XXYLT1: variants seen among roughly 807,000 people sequenced by gnomAD.
XXYLT1 encodes the protein UDP-xylose:alpha-xyloside alpha-1,3-xylosyltransferase.
In XXYLT1, 20 loss-of-function variants were observed where a neutral mutation model predicts 28.9. That is an observed-to-expected ratio of 0.69 (90% CI 0.49 to 1.00). The LOEUF is 1.00. XXYLT1 is among the 50% of genes least tolerant of loss of function. XXYLT1 has a pLI of 0.00. For synonymous variants in XXYLT1, 257 were observed against 253.8 expected, an observed-to-expected ratio of 1.01 and a Z score of -0.12; for missense variants, 542 against 560.1, an observed-to-expected ratio of 0.97 and a Z score of 0.33.
chr3:195,070,193 C>A, intron 3 of XXYLT1, 82 bp from the exon 4 acceptor site: 1 of 1,479,262 alleles, frequency 6.8e-7, no homozygotes, highest in Non-Finnish European at 8.9e-7. Flanking sequence ...TCACAGCCAG[C>A]CTGCATGCAA....
At chr3:195,112,621 GCA>G (rs1336035058) in intron 3 of XXYLT1, among the ~76,000 whole-genome samples, 31 of 92,730 alleles carry the variant, frequency 3.3e-4, no homozygotes, top group South Asian at 9.7e-4. Flanking sequence ...GCACACATGT[GCA>G]CACACACACC....
At chr3:195,153,572 A>C (rs1720399197) in intron 3 of XXYLT1, among the ~76,000 whole-genome samples, 1 of 152,250 alleles carries the variant, frequency 6.6e-6, no homozygotes, top group African/African-American at 2.4e-5. Context: ...ATAGTACATA[A>C]TGAAAATTAA....
chr3:195,239,701 C>A (rs1032496282), intron 1 of XXYLT1, among the ~76,000 whole-genome samples: 1 of 152,214 alleles, frequency 6.6e-6, no homozygotes, highest in South Asian at 2.1e-4. Context: ...TCAAACCCTT[C>A]GTGTGCATCA....
At chr3:195,248,018 G>T in intron 1 of XXYLT1, 1 of 529,880 alleles carries the variant, frequency 1.9e-6, no homozygotes, top group South Asian at 2.4e-5. Flanking sequence ...GTGAGATTTG[G>T]GTGGAGACAC....
Position 195,173,770 on chromosome 3 carries a change from C to T in XXYLT1, c.653-17189G>A, listed in dbSNP as rs774613793. 4.6e-5 allele frequency among the ~76,000 whole-genome samples: 7 copies of T among 152,316 alleles called. No homozygotes were observed. Among genetic ancestry groups the T allele is most frequent in the Admixed American group, 6.5e-5 (1 of 15,302 alleles). ...AGGAGCTTTGCATCTCAGGCCATCC[C>T]GCACCGGCTCGCTGTCCAGGAGAGC... On this transcript the variant is annotated intron_variant, in intron 2 of 3. Coordinates refer to ENST00000310380, the MANE Select transcript of XXYLT1 (RefSeq NM_152531.5). The surrounding 1 kb of genome is among the most constrained non-coding windows in gnomAD (Gnocchi z 4.3).
chr3:195,180,599 T>C lies in XXYLT1; in HGVS notation c.653-24018A>G, dbSNP rs1357374210. On this transcript the variant is annotated intron_variant, in intron 2 of 3. Transcript: ENST00000310380. The surrounding 1 kb of genome is among the most constrained non-coding windows in gnomAD (Gnocchi z 5.8). ...CTTCCCAGCCCTCTCCAGAGCGTGA[T>C]GTGGCCCCGTCTGGCTAAGAGCACC... 1.0e-6 allele frequency: 1 copy of C among 976,660 alleles called. No homozygotes were observed. Among genetic ancestry groups the C allele is most frequent in the African/African-American group, 1.8e-5 (1 of 57,090 alleles). The allele number at this position is 976,660 out of a possible 1,614,324, so 60.5% of individuals were successfully genotyped here.
At chr3:195,253,994 A>G (rs1725379540) in intron 1 of XXYLT1, among the ~76,000 whole-genome samples, 1 of 152,194 alleles carries the variant, frequency 6.6e-6, no homozygotes, top group South Asian at 2.1e-4. Flanking sequence ...GTGCTCTCGG[A>G]CAAGTCACGG....
At chr3:195,112,763 G>GCACA (rs140157095) in intron 3 of XXYLT1, among the ~76,000 whole-genome samples, 2 of 146,588 alleles carry the variant, frequency 1.4e-5, no homozygotes, top group Non-Finnish European at 3.0e-5. Context: ...GTGCGCGCAT[G>GCACA]CACACACACA....
chr3:195,147,789 G>C (rs1052128007), intron 3 of XXYLT1: 3 of 152,224 alleles, frequency 2.0e-5, no homozygotes, highest in African/African-American at 7.2e-5. Flanking sequence ...GGCATAAACA[G>C]AACAGAAGGG....
chr3:195,090,205 C>A (rs921398452), intron 3 of XXYLT1, among the ~76,000 whole-genome samples: 18 of 151,158 alleles, frequency 1.2e-4, no homozygotes, highest in African/African-American at 3.9e-4. Flanking sequence ...ACTCTCCACC[C>A]CAAATCAACA....
Position 195,142,838 on chromosome 3 carries a change from G to C in XXYLT1, c.785+13611C>G, listed in dbSNP as rs566752147. 2.6e-5 allele frequency among the ~76,000 whole-genome samples: 4 copies of C among 152,258 alleles called. No homozygotes were observed. In the South Asian group the frequency reaches 8.3e-4, roughly 32 times the overall value. On this transcript the variant is annotated intron_variant, in intron 3 of 3. Coordinates refer to ENST00000310380, the MANE Select transcript of XXYLT1 (RefSeq NM_152531.5). The stretch of plus-strand genomic sequence containing the variant: ...AGTGAGGATATACCTGCCACATCAC[G>C]CCCAGGCTGCTCCCTTCCCTCCTTC...
At chr3:195,245,598 G>A (rs1724988215) in intron 1 of XXYLT1, among the ~76,000 whole-genome samples, 3 of 152,168 alleles carry the variant, frequency 2.0e-5, no homozygotes, top group Non-Finnish European at 2.9e-5. Flanking sequence ...GCCTCACGTG[G>A]GAGTGGGAAG....
chr3:195,112,424 ACATGCACACACACG>A (rs1717775570), intron 3 of XXYLT1, among the ~76,000 whole-genome samples: 1 of 113,902 alleles, frequency 8.8e-6, no homozygotes, highest in East Asian at 1.9e-4. Flanking sequence ...GCACACACAC[ACATGCACACACACG>A]CACGCACACC....
chr3:195,186,283 G>A (rs1448925341), intron 2 of XXYLT1, among the ~76,000 whole-genome samples: 1 of 152,172 alleles, frequency 6.6e-6, no homozygotes, highest in East Asian at 1.9e-4. Flanking sequence ...ACAGAAGAAC[G>A]CATGCAAAAG....
chr3:195,071,735 T>TGGTTCATTTCAGGACCAGGTTATAA (rs1553797276), intron 3 of XXYLT1, among the ~76,000 whole-genome samples: 5 of 152,130 alleles, frequency 3.3e-5, no homozygotes, highest in Non-Finnish European at 5.9e-5. Flanking sequence ...TTCTTCCCAG[T>TGGTTCATTTCAGGACCAGGTTATAA]GGTTCATTTC....
chr3:195,180,790 C>T lies in XXYLT1; in HGVS notation c.653-24209G>A, dbSNP rs951553877. On this transcript the variant is annotated intron_variant, in intron 2 of 3. Transcript: ENST00000310380. The surrounding 1 kb of genome is among the most constrained non-coding windows in gnomAD (Gnocchi z 5.8). ...GAGCAAGGGCAGCGCCGGCCCTCCT[C>T]GGGAGAAGCTCCAAGGCCTGTCCCT... 6.6e-6 allele frequency among the ~76,000 whole-genome samples: 1 copy of T among 152,238 alleles called. No individual in the cohort carries two copies. The highest frequency in any genetic ancestry group is 6.5e-5 in the Admixed American group (1 of 15,288).
intron 3 of XXYLT1, among the ~76,000 whole-genome samples, chr3:195,106,381 C>A (rs1487049927): frequency 6.9e-6 from 1 of 145,070 alleles, no homozygotes. Context: ...TCCCACCTAA[C>A]CCTCACCCCC....
At chr3:195,154,636 C>T (rs1392872106) in intron 3 of XXYLT1, among the ~76,000 whole-genome samples, 3 of 152,212 alleles carry the variant, frequency 2.0e-5, no homozygotes, top group South Asian at 2.1e-4. Context: ...AGGGAAGAAC[C>T]GGGGGAGGAG....
At chr3:195,178,741 T>C (rs1721796737) in intron 2 of XXYLT1, among the ~76,000 whole-genome samples, 1 of 152,142 alleles carries the variant, frequency 6.6e-6, no homozygotes, top group African/African-American at 2.4e-5. Flanking sequence ...CAGAAGCAGG[T>C]ATCTGGAGAG....
Sources: allele counts gnomAD v4.1 joint callset (sites outside exome capture counted in the v4.1 genomes callset), GRCh38; gene constraint gnomAD v4.1.1; non-coding constraint Gnocchi (gnomAD v3.1); transcripts MANE v1.5; gene names NCBI Gene and HGNC (gene_info 2026-07-23, HGNC 2026-07-21).